The following GPATCH1 variants were observed in gnomAD, a reference collection of about 807,000 sequenced individuals.
GPATCH1 encodes G-patch domain containing 1.
GPATCH1 carries 73 observed loss-of-function variants against 114.9 expected under a neutral mutation model. The observed-to-expected ratio is 0.64, with a 90% CI of 0.53 to 0.77. The LOEUF (loss-of-function observed/expected upper bound fraction) is 0.77, where lower values mean the gene tolerates loss of function less well. Ranked by LOEUF, GPATCH1 falls within the 30% of genes least tolerant of loss-of-function variation. The pLI is 0.00. For synonymous variants in GPATCH1, 391 were observed against 428.4 expected (o/e 0.91, Z 1.08); for missense variants, 1,058 against 1,144.3 (o/e 0.92, Z 1.09).
At chr19:33,107,856 T>C (rs1568345181) in intron 10 of GPATCH1, among the ~76,000 whole-genome samples, 1 of 151,896 alleles carries the variant, frequency 6.6e-6, no homozygotes, top group African/African-American at 2.4e-5. Flanking sequence ...TAATTTTTAT[T>C]TTTTTTTATT....
At chr19:33,129,600 G>C (rs754265225) in intron 19 of GPATCH1, among the ~76,000 whole-genome samples, 21 of 152,168 alleles carry the variant, frequency 1.4e-4, no homozygotes, top group Middle Eastern at 3.4e-3. Context: ...CTTAATACGA[G>C]GTGTGGGTGA....
chr19:33,090,653 T>C, intron 2 of GPATCH1, 127 bp from the exon 3 acceptor site: 1 of 613,692 alleles, frequency 1.6e-6, no homozygotes, highest in East Asian at 2.6e-5. Context: ...ATATAAGCAC[T>C]GAGATGGGAA....
rs1972628922 is a variant in GPATCH1, at chr19:33,094,201, A to C, written c.485A>C (p.Lys162Thr). The C allele has an allele frequency of 3.7e-6, 6 of 1,608,628 alleles. No homozygotes were observed. Among genetic ancestry groups the C allele is most frequent in the Non-Finnish European group, 5.1e-6 (6 of 1,174,896 alleles). ...TCTGTTGGTTTCGAATTGCTAAGAA[A>C]AATGGGTTGGAAAGAAGGACAAGGA... ...KLSVGFELLRKMGWKEGQGVG... is the reference protein window; with the variant it reads ...KLSVGFELLRTMGWKEGQGVG... Residue 162 changes from lysine (K) to threonine (T), a missense_variant, in exon 5 of 20, where the codon AAA becomes ACA. Lys to Thr is a moderately conservative substitution (Grantham distance 78). Transcript: ENST00000170564.
At chr19:33,113,086 G>A (rs1256037268) in intron 13 of GPATCH1, 2 of 157,040 alleles carry the variant, frequency 1.3e-5, no homozygotes, top group Admixed American at 6.4e-5. Context: ...AGGCCAGCCC[G>A]GGTAACATAG....
intron 1 of GPATCH1, among the ~76,000 whole-genome samples, chr19:33,081,986 G>A (rs564970476): frequency 1.4e-5 from 2 of 143,988 alleles, no homozygotes; most frequent in African/African-American, 5.1e-5. Context: ...GGGATTACAG[G>A]CTTGAGCCAC....
At chr19:33,101,224 C>T (rs990345919) in intron 8 of GPATCH1, among the ~76,000 whole-genome samples, 8 of 152,176 alleles carry the variant, frequency 5.3e-5, no homozygotes, top group Admixed American at 1.3e-4. Context: ...CTAAAAATCA[C>T]GTCAATATGC....
chr19:33,126,996 G>A (rs544405912), intron 19 of GPATCH1, among the ~76,000 whole-genome samples: 7 of 152,164 alleles, frequency 4.6e-5, no homozygotes, highest in Middle Eastern at 3.4e-3. Flanking sequence ...TTAGCTGGGC[G>A]TGGTGGTGCA....
rs1220239486 is a variant in GPATCH1 at position 33,094,272 on chromosome 19, G to A, written c.553+3G>A. 1 of 1,496,344 alleles carries A rather than the reference G, an allele frequency of 6.7e-7. No homozygotes were observed. The highest frequency in any genetic ancestry group is 9.3e-7 in the Non-Finnish European group (1 of 1,072,888). 92.7% of individuals were successfully genotyped at this position (1,496,344 alleles called of 1,614,324 possible). ...ACGGCCACGCCGACAGAAACCTGGT[G>A]TGTATGTTAATTGATTAACTGTTAT... is the stretch of plus-strand genomic sequence containing the variant. On this transcript the variant is annotated splice_donor_region_variant and intron_variant, in intron 5 of 19. Transcript: ENST00000170564.
chr19:33,107,361 C>G (rs1568345012), intron 10 of GPATCH1, among the ~76,000 whole-genome samples: 1 of 152,184 alleles, frequency 6.6e-6, no homozygotes, highest in Non-Finnish European at 1.5e-5. Flanking sequence ...CCAGCCAAGG[C>G]TTGTTTTTCC....
At chr19:33,097,994 T>C in intron 8 of GPATCH1, 92 bp downstream of exon 8, 1 of 1,189,300 alleles carries the variant, frequency 8.4e-7, no homozygotes, top group African/African-American at 1.5e-5. Context: ...CACCAGCCTC[T>C]GTTGTTGGTC....
chr19:33,096,247 C>G lies in GPATCH1; in HGVS notation c.653C>G (p.Ala218Gly). The change falls in exon 7 of 20, where the codon GCA (alanine) becomes GGA (glycine). Residue 218 changes from alanine to glycine, a missense_variant. Ala to Gly is a moderately conservative substitution (Grantham distance 60). This residue lies in a region of GPATCH1 where 893 missense variants were observed against 977.4 expected (regional missense o/e 0.91). Coordinates refer to ENST00000170564, the MANE Select transcript of GPATCH1 (RefSeq NM_018025.3). ...DDYLPDNVTF[A>G]PKDVTPVDFT... ...TACTTGCCTGATAATGTGACCTTTG[C>G]ACCCAAAGATGTCACACCTGTGGAT... 6.2e-7 allele frequency: 1 copy of G among 1,612,730 alleles called. No individual in the cohort carries two copies. The highest frequency in any genetic ancestry group is 2.2e-5 in the East Asian group (1 of 44,872).
At chr19:33,107,972 G>T (rs1391518358) in intron 10 of GPATCH1, among the ~76,000 whole-genome samples, 2 of 151,868 alleles carry the variant, frequency 1.3e-5, no homozygotes, top group Non-Finnish European at 2.9e-5. Flanking sequence ...TTTACATAAG[G>T]TATATCTCCT....
intron 17 of GPATCH1, 85 bp downstream of exon 17, chr19:33,119,202 A>G: frequency 1.6e-6 from 1 of 625,980 alleles, no homozygotes; most frequent in Non-Finnish European, 2.7e-6. Context: ...GAGCCGACCA[A>G]ACATACGTGC....
chr19:33,090,923 T>C, intron 3 of GPATCH1, 58 bp downstream of exon 3: 3 of 998,930 alleles, frequency 3.0e-6, no homozygotes, highest in South Asian at 1.3e-5. Flanking sequence ...AGTTGGTTGC[T>C]GTAACTGCCT....
chr19:33,088,194 G>T lies in GPATCH1; in HGVS notation c.134G>T (p.Arg45Met), dbSNP rs1345099512. The change falls in exon 2 of 20, where the codon AGG becomes ATG. Residue 45 changes from arginine to methionine, a missense_variant. Arg to Met is a moderately conservative substitution (Grantham distance 91). Transcript: ENST00000170564. Reference sequence around the variant, plus strand: ...CAGACTGTCAGAGATGAAAAAGGAAGGTATAAACGATTCCACGGGGCCTTT... The same window carrying T: ...CAGACTGTCAGAGATGAAAAAGGAATGTATAAACGATTCCACGGGGCCTTT... ...QDQTVRDEKG[R>M]YKRFHGAFSG... The T allele has an allele frequency of 6.3e-7, 1 of 1,599,830 alleles. No individual in the cohort carries two copies. Among genetic ancestry groups the T allele is most frequent in the Non-Finnish European group, 8.5e-7 (1 of 1,169,970 alleles).
chr19:33,095,759 T>C lies in GPATCH1; in HGVS notation c.554-3T>C, dbSNP rs757139383. On this transcript the variant is annotated splice_polypyrimidine_tract_variant and splice_region_variant and intron_variant, in intron 5 of 19. Coordinates refer to ENST00000170564, the MANE Select transcript of GPATCH1 (RefSeq NM_018025.3). ...ACTATTGCATTTGAAATCTCTTTTC[T>C]AGATCCTGGAGTCAAAATCTATGGC... 3 of 1,606,412 alleles carry C rather than the reference T, an allele frequency of 1.9e-6. No individual in the cohort carries two copies. Among genetic ancestry groups the C allele is most frequent in the South Asian group, 2.2e-5 (2 of 90,918 alleles).
chr19:33,093,640 T>A, intron 4 of GPATCH1, 121 bp downstream of exon 4: 1 of 930,234 alleles, frequency 1.1e-6, no homozygotes, highest in Non-Finnish European at 1.6e-6. Flanking sequence ...AAAGTCTAAG[T>A]GAAAAAGGGG....
At chr19:33,098,510 CAG>C (rs963882841) in intron 8 of GPATCH1, among the ~76,000 whole-genome samples, 2 of 152,164 alleles carry the variant, frequency 1.3e-5, no homozygotes, top group African/African-American at 4.8e-5. Context: ...CAGGGCCAGA[CAG>C]TGTAGAGTCG....
At chr19:33,091,399 G>A (rs985517645) in intron 3 of GPATCH1, among the ~76,000 whole-genome samples, 1 of 118,370 alleles carries the variant, frequency 8.4e-6, no homozygotes, top group African/African-American at 3.4e-5. Flanking sequence ...GGGCGACAGA[G>A]CAAGACTCCG....
Sources: gnomAD v4.1 joint callset for allele counts (sites outside exome capture counted in the v4.1 genomes callset) on GRCh38, gnomAD v4.1.1 for gene constraint, gnomAD v4.1.1 regional missense constraint, MANE v1.5 for transcripts, NCBI Gene and HGNC (gene_info 2026-07-23, HGNC 2026-07-21) for gene names.